NLRP6: variants seen among roughly 807,000 people sequenced by gnomAD.
NLRP6 encodes NACHT, LRR and PYD domains-containing protein 6.
In NLRP6, 55 loss-of-function variants were observed where a neutral mutation model predicts 70.9. The ratio of observed to expected loss-of-function variants is 0.78; its 90% confidence interval spans 0.62 to 0.97. The LOEUF (loss-of-function observed/expected upper bound fraction) is 0.97, where lower values mean the gene tolerates loss of function less well. NLRP6 is among the 50% of genes least tolerant of loss of function. The pLI, the probability that NLRP6 is intolerant of heterozygous loss-of-function variation, is 0.00. For missense variants in NLRP6, 1,241 were observed against 1,238.3 expected, an observed-to-expected ratio of 1.00 and a Z score of -0.03; for synonymous variants, 652 against 581.9, an observed-to-expected ratio of 1.12 and a Z score of -1.73.
chr11:283,704 C>T (rs1354816633), intron 5 of NLRP6, among the ~76,000 whole-genome samples: 3 of 152,092 alleles, frequency 2.0e-5, no homozygotes, highest in African/African-American at 7.2e-5. Context: ...GGAACTAGTA[C>T]TGATGGTGAA....
Position 281,601 on chromosome 11 carries a change from T to C in NLRP6, c.1867T>C (p.Tyr623His), listed in dbSNP as rs1157235862. The change falls in exon 4 of 8, where the codon TAC becomes CAC. Residue 623 changes from tyrosine (Y) to histidine (H), a missense_variant. Tyr to His is a moderately conservative substitution (Grantham distance 83, BLOSUM62 2). Transcript: ENST00000534750. ...GCCCAACTACCCACTGGAGTTGCTGTACTGCCTGTACGAGACGCAGGAGGA... is the reference window on the plus strand; with the variant it reads ...GCCCAACTACCCACTGGAGTTGCTGCACTGCCTGTACGAGACGCAGGAGGA... ...EEPNYPLELL[Y>H]CLYETQEDAF... is the part of the protein sequence containing the mutation. 1 of 1,611,932 alleles carries C rather than the reference T, an allele frequency of 6.2e-7. No individual in the cohort carries two copies. The highest frequency in any genetic ancestry group is 8.5e-7 in the Non-Finnish European group (1 of 1,179,180).
chr11:279,176 G>T, intron 1 of NLRP6, 151 bp from the exon 2 acceptor site: 1 of 630,454 alleles, frequency 1.6e-6, no homozygotes, highest in Non-Finnish European at 2.3e-6. Context: ...ACTCCCCGTT[G>T]CCCCCTCCCG....
Position 281,978 on chromosome 11 carries a change from C to T in NLRP6, c.2105+139C>T, listed in dbSNP as rs199475811. On this transcript the variant is annotated intron_variant, in intron 4 of 7. Coordinates refer to ENST00000534750, the MANE Select transcript of NLRP6 (RefSeq NM_001276700.2). ...TCCCCAGATGGGGAGGCTTTGACCACCTCCTTGCAAGGCAACCACTGAATT... is the reference window on the plus strand; with the variant it reads ...TCCCCAGATGGGGAGGCTTTGACCATCTCCTTGCAAGGCAACCACTGAATT... 7.6e-4 allele frequency: 542 copies of T among 711,700 alleles called. 1 individual carries two copies. Among genetic ancestry groups the T allele is most frequent in the Middle Eastern group, 2.0e-3 (5 of 2,556 alleles). 44.1% of individuals were successfully genotyped at this position (711,700 alleles called of 1,614,324 possible). A position where few individuals can be genotyped will look rare whatever the true frequency, so the allele number is the denominator to read the frequency against.
At chr11:279,296 T>TCCCCGATGACCCGCG in intron 1 of NLRP6, 31 bp from the exon 2 acceptor site, 1 of 1,134,418 alleles carries the variant, frequency 8.8e-7, no homozygotes, top group African/African-American at 1.7e-5. Context: ...CGAGGGCCGC[T>TCCCCGATGACCCGCG]CCCCGATGAC....
At chr11:283,468 T>C (rs1050859697) in intron 5 of NLRP6, among the ~76,000 whole-genome samples, 20 of 152,060 alleles carry the variant, frequency 1.3e-4, no homozygotes, top group African/African-American at 4.1e-4. Context: ...TGCCCGCCAC[T>C]ACGCCCGGCT....
Position 280,105 on chromosome 11 carries a change from A to T in NLRP6, c.371A>T (p.Glu124Val), listed in dbSNP as rs748036585. The part of the protein sequence containing the change: ...SVSEYKKKYR[E>V]HVLQLHARVK... The stretch of plus-strand genomic sequence containing the variant: ...CCAGAGTACAAGAAGAAGTACCGGG[A>T]GCACGTGCTGCAGCTGCACGCTCGG... Residue 124 changes from glutamate (E) to valine (V), a missense_variant, in exon 4 of 8, where the codon GAG becomes GTG. Physicochemically the swap from Glu to Val is moderately radical, Grantham distance 121. Coordinates refer to ENST00000534750, the MANE Select transcript of NLRP6 (RefSeq NM_001276700.2). The T allele has an allele frequency of 5.3e-6, 8 of 1,521,966 alleles. No individual in the cohort carries two copies. Among genetic ancestry groups the T allele is most frequent in the Admixed American group, 2.2e-5 (1 of 44,450 alleles). 94.3% of individuals were successfully genotyped at this position (1,521,966 alleles called of 1,614,324 possible).
At chr11:282,916 T>C (rs950264145) in intron 5 of NLRP6, 119 bp downstream of exon 5, 3 of 757,028 alleles carry the variant, frequency 4.0e-6, no homozygotes, top group Non-Finnish European at 7.0e-6. Flanking sequence ...GCCTGAGGCC[T>C]GTGGGTGCTG....
intron 1 of NLRP6, 109 bp from the exon 2 acceptor site, chr11:279,218 G>T: frequency 1.0e-6 from 1 of 952,724 alleles, no homozygotes; most frequent in Non-Finnish European, 1.4e-6. Context: ...TGCTTGGCCC[G>T]GGACTCCCTG....
chr11:279,807 G>T, intron 2 of NLRP6, 27 bp from the exon 3 acceptor site: 1 of 1,580,736 alleles, frequency 6.3e-7, no homozygotes. Context: ...CGCCCTCGGC[G>T]GAACCTCACC....
chr11:282,195 TTC>T (rs1590270682), intron 4 of NLRP6, among the ~76,000 whole-genome samples: 1 of 152,104 alleles, frequency 6.6e-6, no homozygotes, highest in Admixed American at 6.5e-5. Context: ...ACCTAGAATA[TTC>T]TGTTTGCTGC....
intron 7 of NLRP6, 84 bp from the exon 8 acceptor site, chr11:285,082 C>T: frequency 7.9e-7 from 1 of 1,268,644 alleles, no homozygotes; most frequent in Non-Finnish European, 1.1e-6. Flanking sequence ...TGCCCGCGGC[C>T]CGGCTGCCCC....
Position 281,005 on chromosome 11 carries a change from C to A in NLRP6, c.1271C>A (p.Thr424Asn), listed in dbSNP as rs199475806. ...TTTSVYLLFI[T>N]SVLSSAPVAD... ...ACGTCAGTGTACCTGCTTTTCATCA[C>A]CAGCGTTCTGAGCTCGGCTCCGGTA... The change falls in exon 4 of 8, where the codon ACC (threonine) becomes AAC (asparagine). Residue 424 changes from threonine to asparagine, a missense_variant. Coordinates refer to ENST00000534750, the MANE Select transcript of NLRP6 (RefSeq NM_001276700.2). 1 of 1,613,104 alleles carries A rather than the reference C, an allele frequency of 6.2e-7. No individual in the cohort carries two copies. Among genetic ancestry groups the A allele is most frequent in the African/African-American group, 1.3e-5 (1 of 75,066 alleles).
chr11:284,687 C>T (rs535721520), intron 7 of NLRP6, 45 bp downstream of exon 7: 16 of 1,548,240 alleles, frequency 1.0e-5, no homozygotes, highest in Non-Finnish European at 1.3e-5. Flanking sequence ...AGCCTGTCAA[C>T]CCGGGGAGGG....
intron 1 of NLRP6, 53 bp from the exon 2 acceptor site, chr11:279,274 G>GGGGGGGGGACCCC: frequency 8.2e-7 from 1 of 1,226,032 alleles, no homozygotes; most frequent in Non-Finnish European, 1.0e-6. Flanking sequence ...TCGGGGGCGG[G>GGGGGGGGGACCCC]CGGGGGTCAC....
chr11:279,985 C>A, intron 3 of NLRP6, 99 bp from the exon 4 acceptor site: 1 of 1,410,840 alleles, frequency 7.1e-7, no homozygotes, highest in Non-Finnish European at 9.3e-7. Flanking sequence ...GTAGAGGAAA[C>A]TGAGGCCTGA....
intron 5 of NLRP6, among the ~76,000 whole-genome samples, 197 bp downstream of exon 5, chr11:282,994 G>C (rs1473149321): frequency 6.6e-6 from 1 of 152,224 alleles, no homozygotes. Flanking sequence ...TTCATTACCA[G>C]GTTAGGTACT....
At position 284,491 on chromosome 11, in the gene NLRP6, C is replaced by T. The variant is rs993459294; in HGVS notation, c.2386C>T (p.Pro796Ser). 1 of 1,612,908 alleles carries T rather than the reference C, an allele frequency of 6.2e-7. No homozygotes were observed. The highest frequency in any genetic ancestry group is 8.5e-7 in the Non-Finnish European group (1 of 1,179,810). ...VQTVRVQLPD[P>S]QRGLQYLVGM... ...CTCCCACAGGGTACAGCTGCCTGACCCCCAGCGAGGGCTCCAGTACCTGGT... is the reference window on the plus strand; with the variant it reads ...CTCCCACAGGGTACAGCTGCCTGACTCCCAGCGAGGGCTCCAGTACCTGGT... The change falls in exon 7 of 8, where the codon CCC becomes TCC. Residue 796 changes from proline to serine, a missense_variant. Physicochemically the swap from Pro to Ser is moderately conservative, Grantham distance 74 (BLOSUM62 -1). Transcript: ENST00000534750.
Position 281,780 on chromosome 11 carries a change from G to A in NLRP6, c.2046G>A (p.Ala682=). 1.2e-6 allele frequency: 2 copies of A among 1,606,000 alleles called. No homozygotes were observed. The highest frequency in any genetic ancestry group is 1.7e-6 in the Non-Finnish European group (2 of 1,178,416). ...LRLISCRLVA[A]QEKKKKSLGK... ...TGATCAGCTGCAGATTGGTTGCTGC[G>A]CAGGAGAAGAAGAAGAAGAGCCTGG... The change falls in exon 4 of 8, where the codon GCG becomes GCA. Residue 682 remains alanine, a synonymous_variant. Coordinates refer to ENST00000534750, the MANE Select transcript of NLRP6 (RefSeq NM_001276700.2).
intron 7 of NLRP6, among the ~76,000 whole-genome samples, chr11:284,939 C>A (rs1033837079): frequency 6.6e-6 from 1 of 152,188 alleles, no homozygotes; most frequent in Admixed American, 6.5e-5. Context: ...CAAGGTCCGG[C>A]CTCTGCCCCC....
Sources: allele counts gnomAD v4.1 joint callset (sites outside exome capture counted in the v4.1 genomes callset), GRCh38; gene constraint gnomAD v4.1.1; transcripts MANE v1.5; gene names NCBI Gene and HGNC (gene_info 2026-07-23, HGNC 2026-07-21).